GRID2: variants seen among roughly 807,000 people sequenced by gnomAD.
GRID2 encodes glutamate receptor ionotropic, delta-2.
A neutral mutation model predicts 114.8 loss-of-function variants in GRID2; 33 were observed. The ratio of observed to expected loss-of-function variants is 0.29; its 90% CI spans 0.22 to 0.38. The LOEUF is 0.38. Among genes scored for constraint, GRID2 ranks in the 10% least tolerant of loss-of-function variants. GRID2 has a pLI of 1.00. For synonymous variants in GRID2, 505 were observed against 449.9 expected, an observed-to-expected ratio of 1.12 and a Z score of -1.55; for missense variants, 1,184 against 1,257.7, an observed-to-expected ratio of 0.94 and a Z score of 0.89.
At chr4:93,484,319 T>C (rs1426934212) in intron 11 of GRID2, among the ~76,000 whole-genome samples, 1 of 151,960 alleles carries the variant, frequency 6.6e-6, no homozygotes, top group Non-Finnish European at 1.5e-5. Context: ...CTGCCATTCA[T>C]GTTGCTTGCT....
At chr4:92,372,669 CA>C (rs1288431082) in intron 1 of GRID2, among the ~76,000 whole-genome samples, 1 of 152,078 alleles carries the variant, frequency 6.6e-6, no homozygotes, top group Non-Finnish European at 1.5e-5. Flanking sequence ...GGTCTGGAAC[CA>C]AACCTGCAAT....
chr4:93,322,814 T>G (rs1757380747), intron 8 of GRID2, among the ~76,000 whole-genome samples: 2 of 152,218 alleles, frequency 1.3e-5, no homozygotes, highest in Admixed American at 1.3e-4. Context: ...GAGCATTTTT[T>G]CATGTGTTTT....
At chr4:92,822,418 G>A in intron 2 of GRID2, 2 of 558,496 alleles carry the variant, frequency 3.6e-6, no homozygotes, top group Non-Finnish European at 7.0e-6. Flanking sequence ...TGACCAGCTT[G>A]TCCCAGCTAC....
chr4:93,127,842 C>T (rs549111187), intron 4 of GRID2, among the ~76,000 whole-genome samples: 63 of 151,122 alleles, frequency 4.2e-4, no homozygotes, highest in Non-Finnish European at 8.3e-4. Flanking sequence ...ATAGGGAGAC[C>T]CTATCTCTAC....
intron 14 of GRID2, among the ~76,000 whole-genome samples, chr4:93,694,718 G>A (rs1055552769): frequency 2.0e-5 from 3 of 151,996 alleles, no homozygotes; most frequent in African/African-American, 4.8e-5. Flanking sequence ...TCGACCACCC[G>A]TTTAACTGTC....
At chr4:92,901,162 A>T (rs537861151) in intron 2 of GRID2, among the ~76,000 whole-genome samples, 1 of 152,162 alleles carries the variant, frequency 6.6e-6, no homozygotes, top group South Asian at 2.1e-4. Context: ...ACTGTTTTCC[A>T]TAGATGTTGT....
chr4:93,490,157 G>T (rs1385717541), intron 11 of GRID2, among the ~76,000 whole-genome samples: 1 of 151,854 alleles, frequency 6.6e-6, no homozygotes, highest in African/African-American at 2.4e-5. Context: ...AGTATGTGAT[G>T]CTGAAGCCAA....
intron 11 of GRID2, among the ~76,000 whole-genome samples, chr4:93,478,797 C>G (rs565112725): frequency 6.6e-6 from 1 of 152,092 alleles, no homozygotes; most frequent in South Asian, 2.1e-4. Flanking sequence ...ATAAGCTTTA[C>G]AAGTATCATA....
intron 4 of GRID2, among the ~76,000 whole-genome samples, chr4:93,128,277 C>A (rs969125027): frequency 6.6e-6 from 1 of 151,834 alleles, no homozygotes; most frequent in Admixed American, 6.6e-5. Context: ...TGTCATATTT[C>A]GCCCTTAAGC....
chr4:93,085,421 C>A (rs542092337), intron 3 of GRID2, 142 bp downstream of exon 3: 58 of 680,170 alleles, frequency 8.5e-5, no homozygotes, highest in African/African-American at 7.0e-4. Context: ...ATAAACATAG[C>A]AACAACTGAA....
chr4:92,398,126 T>C (rs1265924784), intron 1 of GRID2, among the ~76,000 whole-genome samples: 2 of 152,180 alleles, frequency 1.3e-5, no homozygotes, highest in African/African-American at 2.4e-5. Flanking sequence ...ACTCCTAAAA[T>C]GTTAAATACA....
intron 14 of GRID2, among the ~76,000 whole-genome samples, chr4:93,645,611 T>C (rs1447745615): frequency 1.3e-5 from 2 of 152,182 alleles, no homozygotes; most frequent in Admixed American, 1.3e-4. Flanking sequence ...TCTTAGCACA[T>C]CATGTTGCCT....
intron 11 of GRID2, among the ~76,000 whole-genome samples, chr4:93,475,735 G>A (rs1725260504): frequency 6.6e-6 from 1 of 152,116 alleles, no homozygotes; most frequent in Non-Finnish European, 1.5e-5. Flanking sequence ...GAACTTTCAT[G>A]CTTCTGGGAC....
intron 8 of GRID2, among the ~76,000 whole-genome samples, chr4:93,387,329 G>A (rs912787692): frequency 2.6e-5 from 4 of 152,128 alleles, no homozygotes; most frequent in Non-Finnish European, 4.4e-5. Flanking sequence ...TCTCTCCAGA[G>A]TTAGGTAATA....
intron 4 of GRID2, chr4:93,164,881 G>A (rs764294426): frequency 1.4e-4 from 38 of 265,968 alleles, no homozygotes; most frequent in Non-Finnish European, 2.6e-4. Flanking sequence ...TGATATTGAC[G>A]TGTTAAGGAA....
intron 1 of GRID2, among the ~76,000 whole-genome samples, chr4:92,390,187 A>C (rs1482938852): frequency 6.6e-6 from 1 of 152,144 alleles, no homozygotes; most frequent in Non-Finnish European, 1.5e-5. Context: ...AATTAAGTGC[A>C]TACTATATGC....
At chr4:93,688,600 A>G (rs554170710) in intron 14 of GRID2, among the ~76,000 whole-genome samples, 1 of 152,130 alleles carries the variant, frequency 6.6e-6, no homozygotes, top group Non-Finnish European at 1.5e-5. Context: ...TGCTTTGTAA[A>G]TATACCTCTA....
chr4:93,485,935 C>G, intron 11 of GRID2, among the ~76,000 whole-genome samples: 1 of 151,642 alleles, frequency 6.6e-6, no homozygotes, highest in East Asian at 1.9e-4. Context: ...CTGACTGAAT[C>G]TATAGATCAA....
At chr4:92,716,198 A>G (rs1369130713) in intron 2 of GRID2, among the ~76,000 whole-genome samples, 1 of 152,206 alleles carries the variant, frequency 6.6e-6, no homozygotes, top group African/African-American at 2.4e-5. Context: ...CAAAATTCCA[A>G]TAATAGATTT....
Sources: allele counts gnomAD v4.1 joint callset (sites outside exome capture counted in the v4.1 genomes callset), GRCh38; gene constraint gnomAD v4.1.1; transcripts MANE v1.5; gene names NCBI Gene and HGNC (gene_info 2026-07-23, HGNC 2026-07-21).